The following LYSMD3 variants were observed in gnomAD, a reference collection of about 807,000 sequenced individuals.
LYSMD3 encodes LysM domain containing 3.
Under a neutral mutation model 26.1 loss-of-function variants are expected in LYSMD3, and 13 were observed. That is an observed-to-expected ratio of 0.50 (90% CI 0.32 to 0.79). The LOEUF is 0.79. Ranked by LOEUF, LYSMD3 falls within the 30% of genes least tolerant of loss-of-function variation. The probability of loss-of-function intolerance (pLI) is 0.03; values close to 1 mark genes in which losing one functional copy is unlikely to be tolerated. For synonymous variants in LYSMD3, 109 were observed against 119.4 expected (o/e 0.91, Z 0.57); for missense variants, 331 against 362.5 (o/e 0.91, Z 0.71).
intron 1 of LYSMD3, among the ~76,000 whole-genome samples, chr5:90,527,313 C>T (rs1417042152): frequency 2.0e-5 from 3 of 151,924 alleles, no homozygotes; most frequent in Non-Finnish European, 4.4e-5. Flanking sequence ...CCACAACTGA[C>T]GTTTCAGATT....
At position 90,516,957 on chromosome 5, in the gene LYSMD3, C is replaced by T. The variant is rs1752966796; in HGVS notation, c.*1862G>A. The T allele has an allele frequency of 6.6e-6, 1 of 152,456 alleles. No individual in the cohort carries two copies. The allele number at this position is 152,456 out of a possible 1,614,324, so 9.4% of individuals were successfully genotyped here. ...GATGTAAACAAAGTTCTTCAAAGGACACCTGGCCTGTTTACCCTAAAATAA... is the reference window on the plus strand; with the variant it reads ...GATGTAAACAAAGTTCTTCAAAGGATACCTGGCCTGTTTACCCTAAAATAA... On this transcript the variant is annotated 3_prime_UTR_variant, in exon 3 of 3. Coordinates refer to ENST00000315948, the MANE Select transcript of LYSMD3 (RefSeq NM_198273.2).
intron 1 of LYSMD3, 73 bp downstream of exon 1, chr5:90,529,375 C>A (rs1487696594): frequency 1.5e-5 from 7 of 456,190 alleles, no homozygotes; most frequent in Non-Finnish European, 3.1e-5. Flanking sequence ...CAGCGCCTCC[C>A]GTGAGGACGC....
intron 1 of LYSMD3, among the ~76,000 whole-genome samples, chr5:90,528,493 T>C (rs1356054082): frequency 1.3e-5 from 2 of 152,176 alleles, no homozygotes; most frequent in African/African-American, 4.8e-5. Flanking sequence ...GGTCAGAACT[T>C]CACCTGTCTC....
chr5:90,520,945 A>G (rs576594032), intron 2 of LYSMD3, among the ~76,000 whole-genome samples: 2 of 152,244 alleles, frequency 1.3e-5, no homozygotes, highest in South Asian at 4.1e-4. Context: ...ATTGAAGTCA[A>G]AGAGGTCAAA....
chr5:90,517,551 C>T lies in LYSMD3; in HGVS notation c.*1268G>A, dbSNP rs1460854176. On this transcript the variant is annotated 3_prime_UTR_variant, in exon 3 of 3. Coordinates refer to ENST00000315948, the MANE Select transcript of LYSMD3 (RefSeq NM_198273.2). The stretch of plus-strand genomic sequence containing the variant: ...GCTTCTTACTTAGCCAGACTGTAGC[C>T]GACTCAACAGATCTTAAAAAGAGGC... The T allele has an allele frequency of 2.6e-5, 4 of 151,876 alleles. No homozygotes were observed. The highest frequency in any genetic ancestry group is 1.3e-4 in the Admixed American group (2 of 15,250). The allele number at this position is 151,876 out of a possible 1,614,324, so 9.4% of individuals were successfully genotyped here.
At chr5:90,523,252 C>T (rs1017829093) in intron 2 of LYSMD3, among the ~76,000 whole-genome samples, 4 of 151,950 alleles carry the variant, frequency 2.6e-5, no homozygotes, top group Non-Finnish European at 4.4e-5. Flanking sequence ...CCAGCTCTTA[C>T]ACCACATCAA....
rs1285678807 is a variant in LYSMD3 at position 90,518,830 on chromosome 5, G to T, written c.910C>A (p.Gln304Lys). 1.9e-6 allele frequency: 3 copies of T among 1,612,026 alleles called. No homozygotes were observed. The highest frequency in any genetic ancestry group is 3.3e-5 in the Admixed American group (2 of 59,888). ...SQDSQSPAAQ[Q>K]ET is the part of the protein sequence containing the mutation. The stretch of plus-strand genomic sequence containing the variant: ...TTATGAGCTAATTGCTATGTTTCCT[G>T]TTGAGCAGCAGGTGACTGAGAATCT... Residue 304 changes from glutamine (Q) to lysine (K), a missense_variant, in exon 3 of 3, where the codon CAG (glutamine) becomes AAG (lysine). By Grantham distance (53) the Gln-to-Lys change is moderately conservative. Around this residue, in one of 3 missense-constraint regions of LYSMD3, gnomAD observed 61 missense variants for 66.8 expected, o/e 0.91. Coordinates refer to ENST00000315948, the MANE Select transcript of LYSMD3 (RefSeq NM_198273.2).
chr5:90,525,417 T>C (rs1753199857), intron 1 of LYSMD3, 117 bp from the exon 2 acceptor site: 1 of 1,056,060 alleles, frequency 9.5e-7, no homozygotes, highest in Non-Finnish European at 1.3e-6. Context: ...GTTTTAGTTA[T>C]TTAAACATTT....
chr5:90,522,662 T>G (rs1047281752), intron 2 of LYSMD3, among the ~76,000 whole-genome samples: 2 of 152,230 alleles, frequency 1.3e-5, no homozygotes, highest in South Asian at 4.1e-4. Flanking sequence ...TCTCTTACTA[T>G]ATGGATCAAA....
At chr5:90,521,947 ATTTT>A (rs989365720) in intron 2 of LYSMD3, among the ~76,000 whole-genome samples, 8 of 151,888 alleles carry the variant, frequency 5.3e-5, no homozygotes, top group Non-Finnish European at 8.8e-5. Context: ...TATTTTTATA[ATTTT>A]TTTTGTTGCT....
At chr5:90,523,319 TTGA>T (rs1753138534) in intron 2 of LYSMD3, among the ~76,000 whole-genome samples, 1 of 151,902 alleles carries the variant, frequency 6.6e-6, no homozygotes, top group African/African-American at 2.4e-5. Context: ...TTGAAATGTT[TTGA>T]TGAATTGTGA....
At chr5:90,521,199 C>T (rs1449567513) in intron 2 of LYSMD3, among the ~76,000 whole-genome samples, 4 of 152,246 alleles carry the variant, frequency 2.6e-5, no homozygotes, top group Admixed American at 6.5e-5. Context: ...TAAGGTTCCA[C>T]ACCTGCAATA....
rs948358001 is a variant in LYSMD3 at position 90,515,723 on chromosome 5, C to A, written c.*3096G>T. The A allele has an allele frequency of 3.3e-5, 5 of 152,114 alleles. No individual in the cohort carries two copies. The highest frequency in any genetic ancestry group is 9.7e-5 in the African/African-American group (4 of 41,438). 9.4% of individuals were successfully genotyped at this position (152,114 alleles called of 1,614,324 possible). A position where few individuals can be genotyped will look rare whatever the true frequency, so the allele number is the denominator to read the frequency against. Reference sequence around the variant, plus strand: ...ATTTTAAAAACTGGTTTTACAGATACACATGCTAACAATGTTCTACAGTTA... The same window carrying A: ...ATTTTAAAAACTGGTTTTACAGATAAACATGCTAACAATGTTCTACAGTTA... On this transcript the variant is annotated 3_prime_UTR_variant, in exon 3 of 3. Coordinates refer to ENST00000315948, the MANE Select transcript of LYSMD3 (RefSeq NM_198273.2).
chr5:90,521,381 G>C (rs1000879498), intron 2 of LYSMD3, among the ~76,000 whole-genome samples: 1 of 151,944 alleles, frequency 6.6e-6, no homozygotes, highest in African/African-American at 2.4e-5. Flanking sequence ...CAAGCAGAGA[G>C]GGTCTTTAGC....
chr5:90,518,542 T>A lies in LYSMD3; in HGVS notation c.*277A>T. On this transcript the variant is annotated 3_prime_UTR_variant, in exon 3 of 3. Transcript: ENST00000315948. ...AAAAATAAAATTTAAACATGCATTT[T>A]AAGAAAAATGATACATCTTCCAAGT... The A allele has an allele frequency of 3.2e-6, 1 of 317,400 alleles. No individual in the cohort carries two copies. 19.7% of individuals were successfully genotyped at this position (317,400 alleles called of 1,614,324 possible). A position where few individuals can be genotyped will look rare whatever the true frequency, so the allele number is the denominator to read the frequency against.
At chr5:90,524,470 TAAG>T (rs1339576661) in intron 2 of LYSMD3, among the ~76,000 whole-genome samples, 1 of 152,230 alleles carries the variant, frequency 6.6e-6, no homozygotes, top group African/African-American at 2.4e-5. Context: ...ACCATTTGAA[TAAG>T]AAGATAACAT....
At chr5:90,523,622 T>C (rs1479483219) in intron 2 of LYSMD3, among the ~76,000 whole-genome samples, 1 of 152,102 alleles carries the variant, frequency 6.6e-6, no homozygotes, top group South Asian at 2.1e-4. Flanking sequence ...TTCCACTTTT[T>C]TTAAAAATAC....
chr5:90,525,403 A>C, intron 1 of LYSMD3, 103 bp from the exon 2 acceptor site: 1 of 1,202,270 alleles, frequency 8.3e-7, no homozygotes, highest in Non-Finnish European at 1.1e-6. Flanking sequence ...TTTTTGTTTT[A>C]ATGGTTTTAG....
intron 2 of LYSMD3, among the ~76,000 whole-genome samples, chr5:90,520,788 G>A (rs1304690108): frequency 6.6e-6 from 1 of 152,104 alleles, no homozygotes; most frequent in East Asian, 1.9e-4. Flanking sequence ...GCATGGTGGT[G>A]CATGCCTGTA....
Sources: allele counts gnomAD v4.1 joint callset (sites outside exome capture counted in the v4.1 genomes callset), GRCh38; gene constraint gnomAD v4.1.1; regional missense constraint gnomAD v4.1.1; transcripts MANE v1.5; gene names NCBI Gene and HGNC (gene_info 2026-07-23, HGNC 2026-07-21).